LEO1: variants seen among roughly 807,000 people sequenced by gnomAD.
LEO1 encodes LEO1 component of Paf1/RNA polymerase II complex.
In LEO1, 34 loss-of-function variants were observed where a neutral mutation model predicts 80.4. The observed-to-expected ratio is 0.42, with a 90% confidence interval of 0.32 to 0.56. The LOEUF is 0.56. LEO1 is among the 20% of genes least tolerant of loss of function. LEO1 has a pLI of 0.10. For synonymous variants in LEO1, 262 were observed against 274.9 expected, an observed-to-expected ratio of 0.95 and a Z score of 0.46; for missense variants, 631 against 814.2, an observed-to-expected ratio of 0.77 and a Z score of 2.74.
In LEO1 at chr15:51,960,631, T is replaced by A; in HGVS notation, c.1014+8A>T. 1 of 1,518,464 alleles carries A rather than the reference T, an allele frequency of 6.6e-7. No individual in the cohort carries two copies. The highest frequency in any genetic ancestry group is 9.2e-7 in the Non-Finnish European group (1 of 1,092,710). 94.1% of individuals were successfully genotyped at this position (1,518,464 alleles called of 1,614,324 possible). The stretch of plus-strand genomic sequence containing the variant: ...CCTTGAATAAGTTCATGTTACTAAC[T>A]GACTTACAACAGGCTGTCCTGGAGT... On this transcript the variant is annotated splice_region_variant and intron_variant, in intron 4 of 11. Coordinates refer to ENST00000299601, the MANE Select transcript of LEO1 (RefSeq NM_138792.4).
intron 2 of LEO1, among the ~76,000 whole-genome samples, chr15:51,963,869 TC>T (rs1479236953): frequency 8.1e-6 from 1 of 123,490 alleles, no homozygotes; most frequent in Non-Finnish European, 1.6e-5. Context: ...GCCACTGCAC[TC>T]CAGCCTGGAT....
intron 6 of LEO1, among the ~76,000 whole-genome samples, chr15:51,957,173 A>T (rs1294478995): frequency 6.6e-6 from 1 of 152,210 alleles, no homozygotes; most frequent in Admixed American, 6.5e-5. Context: ...GTCTAAAAAT[A>T]TAATAGATAT....
At position 51,965,699 on chromosome 15, in the gene LEO1, G is replaced by A. The variant is rs2593203; in HGVS notation, c.814+50C>T. 6.2e-3 allele frequency: 9,606 copies of A among 1,546,044 alleles called. 512 individuals are homozygous for A. The African/African-American group carries it at 0.12, about 19-fold the overall frequency. On this transcript the variant is annotated intron_variant, in intron 2 of 11. Coordinates refer to ENST00000299601, the MANE Select transcript of LEO1 (RefSeq NM_138792.4). ...AATAAAGACTAAATGGGTCCCTGCT[G>A]TATCTGAATGCTTCTTTCTGAGCCA...
intron 6 of LEO1, among the ~76,000 whole-genome samples, chr15:51,957,209 CAGAA>C (rs1322157241): frequency 4.0e-5 from 6 of 151,616 alleles, no homozygotes; most frequent in Non-Finnish European, 8.8e-5. Flanking sequence ...AGCATCATGA[CAGAA>C]AGTAAGAAAA....
intron 6 of LEO1, among the ~76,000 whole-genome samples, chr15:51,956,658 T>TAC (rs1335087660): frequency 9.9e-5 from 15 of 152,150 alleles, no homozygotes; most frequent in Admixed American, 9.8e-4. Flanking sequence ...AAGAATTAAC[T>TAC]ACACCATGCT....
chr15:51,959,197 T>C (rs576967372), intron 5 of LEO1, among the ~76,000 whole-genome samples: 1 of 152,242 alleles, frequency 6.6e-6, no homozygotes, highest in Non-Finnish European at 1.5e-5. Flanking sequence ...AGACAGGGTG[T>C]TTCTCCATGT....
In LEO1 at chr15:51,961,352, A is replaced by AGGTGGT. The variant is rs367548538; in HGVS notation, c.920-625_920-620dup. ...TTTCATCCTTCCAACTTATAATACC[A>AGGTGGT]GGTGGTGGTGGTGGTGGTGGTGGTG... On this transcript the variant is annotated intron_variant, in intron 3 of 11. Transcript: ENST00000299601. 2.9e-3 allele frequency among the ~76,000 whole-genome samples: 401 copies of AGGTGGT among 139,968 alleles called. 3 individuals are homozygous for AGGTGGT. Among genetic ancestry groups the AGGTGGT allele is most frequent in the African/African-American group, 9.2e-3 (347 of 37,842 alleles). The allele number at this position is 139,968 out of a possible 152,430, so 91.8% of individuals were successfully genotyped here. A position where few individuals can be genotyped will look rare whatever the true frequency, so the allele number is the denominator to read the frequency against.
intron 6 of LEO1, among the ~76,000 whole-genome samples, chr15:51,955,741 G>C (rs562002589): frequency 1.2e-4 from 18 of 152,144 alleles, no homozygotes; most frequent in African/African-American, 4.3e-4. Flanking sequence ...CACGGAGATC[G>C]TCTGGATCTC....
chr15:51,943,615 G>A (rs536618048), intron 11 of LEO1, among the ~76,000 whole-genome samples: 14 of 151,740 alleles, frequency 9.2e-5, no homozygotes, highest in Non-Finnish European at 1.8e-4. Context: ...CAGGAGAATC[G>A]CTTAAACCTG....
At position 51,954,549 on chromosome 15, in the gene LEO1, T is replaced by A; in HGVS notation, c.1272A>T (p.Ile424=). 6.2e-7 allele frequency: 1 copy of A among 1,612,536 alleles called. No homozygotes were observed. ...LKVENTIRWR[I]RRDEEGNEIK... is the part of the protein sequence containing the mutation. The stretch of plus-strand genomic sequence containing the variant: ...TTTCATTTCCTTCTTCATCTCGGCG[T>A]ATCCTCCATCTTATAGTATTTTCTA... Residue 424 remains isoleucine (I), a synonymous_variant, in exon 7 of 12, where the codon ATA becomes ATT. Transcript: ENST00000299601.
intron 6 of LEO1, among the ~76,000 whole-genome samples, chr15:51,958,113 T>C (rs2057003380): frequency 6.6e-6 from 1 of 152,140 alleles, no homozygotes; most frequent in African/African-American, 2.4e-5. Flanking sequence ...CCAGTTTCAG[T>C]ATCATGCATT....
Position 51,971,756 on chromosome 15 carries a change from G to A in LEO1, c.-11C>T, listed in dbSNP as rs72732960. The A allele has an allele frequency of 1.6e-4, 255 of 1,614,056 alleles. No homozygotes were observed. The highest frequency in any genetic ancestry group is 5.0e-4 in the Middle Eastern group (3 of 6,060). ...CTCCATATCCGCCATTATCGCTCAC[G>A]TCCGCTGCTGCCTCGGTTAGGGGCA... On this transcript the variant is annotated 5_prime_UTR_variant, in exon 1 of 12. It adds an upstream start codon to the 5' untranslated region. Coordinates refer to ENST00000299601, the MANE Select transcript of LEO1 (RefSeq NM_138792.4).
intron 11 of LEO1, among the ~76,000 whole-genome samples, chr15:51,945,321 C>A (rs1028410344): frequency 2.7e-5 from 4 of 148,356 alleles, no homozygotes; most frequent in African/African-American, 1.0e-4. Context: ...CTGGCCCTAT[C>A]ATATTTCTGC....
intron 11 of LEO1, among the ~76,000 whole-genome samples, chr15:51,943,249 G>C (rs1176315094): frequency 1.3e-5 from 2 of 150,934 alleles, no homozygotes; most frequent in Non-Finnish European, 3.0e-5. Context: ...CGTGGTGGCG[G>C]GCACCTGTAA....
At chr15:51,947,709 G>A (rs1306465664) in intron 10 of LEO1, among the ~76,000 whole-genome samples, 1 of 152,156 alleles carries the variant, frequency 6.6e-6, no homozygotes, top group Non-Finnish European at 1.5e-5. Context: ...ATAGGCGTGA[G>A]CCACTGTGTC....
At position 51,938,132 on chromosome 15, in the gene LEO1, TAA is replaced by T; in HGVS notation, c.*22_*23del. 1 of 1,198,014 alleles carries T rather than the reference TAA, an allele frequency of 8.3e-7. No homozygotes were observed. The allele number at this position is 1,198,014 out of a possible 1,614,324, so 74.2% of individuals were successfully genotyped here. ...ATTTATAACTGTACAATAAAATATA[TAA>T]AATGTTTTCATATTTCATACTTCAA... On this transcript the variant is annotated 3_prime_UTR_variant, in exon 12 of 12. Transcript: ENST00000299601.
chr15:51,966,681 C>T (rs1217543041), intron 1 of LEO1, among the ~76,000 whole-genome samples, 177 bp from the exon 2 acceptor site: 1 of 152,152 alleles, frequency 6.6e-6, no homozygotes, highest in Non-Finnish European at 1.5e-5. Context: ...GAAGCCGAGG[C>T]AGGCAGATCA....
chr15:51,952,551 G>A (rs2056957712), intron 8 of LEO1, among the ~76,000 whole-genome samples: 1 of 152,092 alleles, frequency 6.6e-6, no homozygotes, highest in Admixed American at 6.6e-5. Flanking sequence ...ACCCAAAGAG[G>A]ATGGTCTGCT....
At chr15:51,961,093 A>G (rs903886916) in intron 3 of LEO1, among the ~76,000 whole-genome samples, 4 of 152,186 alleles carry the variant, frequency 2.6e-5, no homozygotes, top group South Asian at 2.1e-4. Context: ...CCCAGATTCA[A>G]AATTACAGTC....
Sources: allele counts gnomAD v4.1 joint callset (sites outside exome capture counted in the v4.1 genomes callset), GRCh38; gene constraint gnomAD v4.1.1; transcripts MANE v1.5; gene names NCBI Gene and HGNC (gene_info 2026-07-23, HGNC 2026-07-21).